MATK: variants seen among roughly 807,000 people sequenced by gnomAD.
MATK encodes megakaryocyte-associated tyrosine kinase.
MATK carries 41 observed loss-of-function variants against 59.8 expected under a neutral mutation model. The ratio of observed to expected loss-of-function variants is 0.69; its 90% confidence interval spans 0.53 to 0.89. MATK has a LOEUF of 0.89. Among genes scored for constraint, MATK ranks in the 40% least tolerant of loss-of-function variants. The pLI, the probability that MATK is intolerant of heterozygous loss-of-function variation, is 0.00. For synonymous variants in MATK, 308 were observed against 306.1 expected (o/e 1.01, Z -0.06); for missense variants, 593 against 719.6 (o/e 0.82, Z 2.01).
chr19:3,790,207 A>C (rs1450421953), upstream of MATK, among the ~76,000 whole-genome samples: 3 of 152,188 alleles, frequency 2.0e-5, no homozygotes, highest in Non-Finnish European at 4.4e-5. Context: ...TGGCCGCACC[A>C]GTTTCTAATG....
At position 3,781,625 on chromosome 19, in the gene MATK, C is replaced by G; in HGVS notation, c.724G>C (p.Gly242Arg). ...LQHLTLGAQI[G>R]EGEFGAVLQG... ...CACTCACCTCCAAACTCTCCCTCTCCGATCTGTGCTCCCAATGTCAAATGC... is the reference window on the plus strand; with the variant it reads ...CACTCACCTCCAAACTCTCCCTCTCGGATCTGTGCTCCCAATGTCAAATGC... The change falls in exon 8 of 14, where the codon GGA becomes CGA. Residue 242 changes from glycine to arginine, a missense_variant. By Grantham distance (125) the Gly-to-Arg change is moderately radical. Transcript: ENST00000310132. 6.2e-7 allele frequency: 1 copy of G among 1,613,968 alleles called. No individual in the cohort carries two copies. Among genetic ancestry groups the G allele is most frequent in the Non-Finnish European group, 8.5e-7 (1 of 1,179,966 alleles).
At chr19:3,786,666 G>T (rs1188282018), upstream of MATK, among the ~76,000 whole-genome samples, 3 of 151,914 alleles carry the variant, frequency 2.0e-5, no homozygotes, top group African/African-American at 7.2e-5. This position sits in a 1 kb window ranked among gnomAD's most constrained non-coding sequence, Gnocchi z 4.1. Flanking sequence ...GACTCCCAGA[G>T]GACACTTCGT....
At chr19:3,786,931 C>G (rs2037492255), upstream of MATK, among the ~76,000 whole-genome samples, 1 of 151,966 alleles carries the variant, frequency 6.6e-6, no homozygotes, top group Admixed American at 6.6e-5. This position sits in a 1 kb window ranked among gnomAD's most constrained non-coding sequence, Gnocchi z 4.1. Context: ...TGGCTCTGCC[C>G]GTAGGTAGGA....
upstream of MATK, chr19:3,789,488 A>G (rs2037519919): frequency 1.8e-6 from 1 of 561,158 alleles, no homozygotes; most frequent in Admixed American, 3.4e-5. Flanking sequence ...AGAAATAATA[A>G]GGGGAACCAA....
chr19:3,795,751 CTTTTTTTTTTT>C (rs530367941), intron 1 of MATK, among the ~76,000 whole-genome samples: 9 of 54,784 alleles, frequency 1.6e-4, no homozygotes, highest in African/African-American at 2.1e-4. Context: ...TAAGTAGGTG[CTTTTTTTTTTT>C]TTTTTTTTTT....
At position 3,779,703 on chromosome 19, in the gene MATK, G is replaced by A. The variant is rs1221934418; in HGVS notation, c.837C>T (p.Val279=). Residue 279 remains valine, a synonymous_variant, in exon 9 of 14, where the codon GTC becomes GTT. Coordinates refer to ENST00000310132, the MANE Select transcript of MATK (RefSeq NM_139355.3). ...AGCCCCACCCTGGGACTCACGTCAT[G>A]ACGGCCGTCTCGTCCAGGAAGGCCT... The part of the protein sequence containing the change: ...TAQAFLDETA[V]MTKMQHENLV... 6 of 1,612,928 alleles carry A rather than the reference G, an allele frequency of 3.7e-6. No homozygotes were observed. Among genetic ancestry groups the A allele is most frequent in the East Asian group, 2.2e-5 (1 of 44,874 alleles).
chr19:3,783,325 G>T lies in MATK; in HGVS notation c.583-106C>A, dbSNP rs770005821. ...GGGTGGGGTGGGTGGGACCGGGGAG[G>T]AGGAGAAAGGCTGGTTTCCATAGGA... is the stretch of plus-strand genomic sequence containing the variant. On this transcript the variant is annotated intron_variant, in intron 6 of 13. Coordinates refer to ENST00000310132, the MANE Select transcript of MATK (RefSeq NM_139355.3). The T allele has an allele frequency of 4.7e-5, 34 of 717,412 alleles. No individual in the cohort carries two copies. In the African/African-American group the frequency reaches 5.6e-4, roughly 12 times the overall value. 44.4% of individuals were successfully genotyped at this position (717,412 alleles called of 1,614,324 possible).
chr19:3,792,556 C>T (rs2037553436), intron 1 of MATK, among the ~76,000 whole-genome samples: 1 of 149,650 alleles, frequency 6.7e-6, no homozygotes, highest in Non-Finnish European at 1.5e-5. Flanking sequence ...CTCTGTCACC[C>T]AGGCTGGAGT....
In MATK at chr19:3,779,458, G is replaced by T. The variant is rs201896435; in HGVS notation, c.928-7C>A. On this transcript the variant is annotated splice_region_variant and splice_polypyrimidine_tract_variant and intron_variant, in intron 10 of 13. Coordinates refer to ENST00000310132, the MANE Select transcript of MATK (RefSeq NM_139355.3). ...GAAAGTTCACCAGGTTGCCCTGTTG[G>T]GGGTGGGAGATGGCCGCGGGATGTT... is the stretch of plus-strand genomic sequence containing the variant. The T allele has an allele frequency of 1.4e-5, 22 of 1,612,954 alleles. No homozygotes were observed. In the Admixed American group the frequency reaches 2.2e-4, roughly 16 times the overall value.
chr19:3,792,327 A>T (rs761747843), intron 1 of MATK, among the ~76,000 whole-genome samples: 4 of 152,042 alleles, frequency 2.6e-5, no homozygotes, highest in Non-Finnish European at 4.4e-5. Context: ...GAGTCATATG[A>T]CAGATACTTT....
upstream of MATK, among the ~76,000 whole-genome samples, chr19:3,790,423 G>A (rs116312791): frequency 1.1e-3 from 163 of 152,280 alleles, no homozygotes; most frequent in African/African-American, 3.7e-3. Flanking sequence ...CCTTTCTGGC[G>A]TCCTGGCTGC....
intron 12 of MATK, 30 bp from the exon 13 acceptor site, chr19:3,778,625 G>T: frequency 6.3e-7 from 1 of 1,582,688 alleles, no homozygotes. Context: ...GGTGAGGAGG[G>T]ACCCCTCAGG....
Position 3,784,846 on chromosome 19 carries a change from G to A in MATK, c.111C>T (p.Pro37=), listed in dbSNP as rs758492489. Residue 37 remains proline (P), a synonymous_variant, in exon 3 of 14, where the codon CCC becomes CCT. Transcript: ENST00000310132. ...PRFLRAWHPP[P]VSARMPTRRW... ...TCACCGTTGGCATCCTGGCTGAGAC[G>A]GGAGGGGGGTGCCAGGCTCGGAGGA... is the stretch of plus-strand genomic sequence containing the variant. 19 of 1,551,388 alleles carry A rather than the reference G, an allele frequency of 1.2e-5. No individual in the cohort carries two copies. The highest frequency in any genetic ancestry group is 9.6e-5 in the African/African-American group (7 of 73,042).
chr19:3,798,918 G>A (rs1568412084), intron 1 of MATK, among the ~76,000 whole-genome samples: 1 of 151,774 alleles, frequency 6.6e-6, no homozygotes, highest in East Asian at 1.9e-4. Context: ...TGATCCTCCT[G>A]CCTCAGCCTC....
chr19:3,782,940 A>G (rs1368005239), intron 7 of MATK, 186 bp downstream of exon 7: 1 of 579,716 alleles, frequency 1.7e-6, no homozygotes, highest in East Asian at 2.9e-5. Flanking sequence ...CTGGGGACCT[A>G]TTGAATAAAG....
upstream of MATK, among the ~76,000 whole-genome samples, chr19:3,789,785 C>CG (rs201412480): frequency 0.49 from 70,866 of 144,410 alleles, 18,515 homozygotes; most frequent in South Asian, 0.67. Context: ...AGTGCAGTGG[C>CG]CTGATCTCGG....
Position 3,784,341 on chromosome 19 carries a change from G to T in MATK, c.243C>A (p.Cys81Ter). ...KGDVVTILEA[C>*]ENKSWYRVKH... ...ACACCCGCCGGCCACCTCTCACCTC[G>T]CAGGCCTCCAGGATGGTGACCACGT... The change falls in exon 4 of 14, where the codon TGC (cysteine) becomes TGA (stop). Residue 81 changes from cysteine (C) to a stop codon, truncating the protein, a stop_gained. Coordinates refer to ENST00000310132, the MANE Select transcript of MATK (RefSeq NM_139355.3). LOFTEE classifies it high-confidence loss of function. 1.2e-6 allele frequency: 2 copies of T among 1,603,734 alleles called. No homozygotes were observed. Among genetic ancestry groups the T allele is most frequent in the South Asian group, 1.1e-5 (1 of 90,292 alleles).
At chr19:3,785,434 C>T in intron 1 of MATK, 148 bp from the exon 2 acceptor site, 1 of 516,804 alleles carries the variant, frequency 1.9e-6, no homozygotes, top group African/African-American at 1.9e-5. Flanking sequence ...CTCTCTGATC[C>T]CCCCCCAAAC....
chr19:3,794,693 G>A (rs2037575927), intron 1 of MATK, among the ~76,000 whole-genome samples: 1 of 152,154 alleles, frequency 6.6e-6, no homozygotes, highest in Non-Finnish European at 1.5e-5. Flanking sequence ...GAGAACAGGA[G>A]ATACACATTA....
Sources: allele counts gnomAD v4.1 joint callset (sites outside exome capture counted in the v4.1 genomes callset), GRCh38; gene constraint gnomAD v4.1.1; non-coding constraint Gnocchi (gnomAD v3.1); transcripts MANE v1.5; gene names NCBI Gene and HGNC (gene_info 2026-07-23, HGNC 2026-07-21).